LARP4B: variants seen among roughly 807,000 people sequenced by gnomAD.
The protein encoded by LARP4B is La ribonucleoprotein 4B, also known as la-related protein 4B.
LARP4B carries 12 observed loss-of-function variants against 89.8 expected under a neutral mutation model. The observed-to-expected ratio is 0.13, with a 90% CI of 0.09 to 0.22. The LOEUF is 0.22. LARP4B is among the 10% of genes least tolerant of loss of function. The pLI, the probability that LARP4B is intolerant of heterozygous loss-of-function variation, is 1.00. For missense variants in LARP4B, 757 were observed against 947.7 expected (o/e 0.80, Z 2.64); for synonymous variants, 367 against 363.3 (o/e 1.01, Z -0.12).
chr10:878,441 T>C (rs1588956018), intron 3 of LARP4B, among the ~76,000 whole-genome samples: 1 of 151,948 alleles, frequency 6.6e-6, no homozygotes, highest in Non-Finnish European at 1.5e-5. Context: ...GCGTGACTCA[T>C]GTATCTCATC....
chr10:876,416 C>T (rs1168094142), intron 3 of LARP4B, among the ~76,000 whole-genome samples: 1 of 152,120 alleles, frequency 6.6e-6, no homozygotes, highest in Non-Finnish European at 1.5e-5. Context: ...AAATCTATTT[C>T]CAAAAGGGAG....
the LARP4B span, among the ~76,000 whole-genome samples, chr10:982,412 T>G: frequency 6.6e-6 from 1 of 152,170 alleles, no homozygotes. Flanking sequence ...CTTTTTATAT[T>G]TTAAAAAATA....
At chr10:882,034 C>A (rs906332230) in intron 3 of LARP4B, among the ~76,000 whole-genome samples, 4 of 152,036 alleles carry the variant, frequency 2.6e-5, no homozygotes, top group African/African-American at 9.7e-5. Flanking sequence ...TGTGGAGACA[C>A]AGAGCATGTT....
chr10:966,562 A>G, the LARP4B span, among the ~76,000 whole-genome samples: 1 of 152,262 alleles, frequency 6.6e-6, no homozygotes, highest in Non-Finnish European at 1.5e-5. Flanking sequence ...CTACCGAGGA[A>G]GCCGAAGGCT....
In LARP4B at chr10:845,058, A is replaced by G; in HGVS notation, c.431-3T>C. ...GTCTGGTTGAGACTCATTTCCTCCTACATAAAAGTAATAATCAACTTAGGA... is the reference window on the plus strand; with the variant it reads ...GTCTGGTTGAGACTCATTTCCTCCTGCATAAAAGTAATAATCAACTTAGGA... On this transcript the variant is annotated splice_polypyrimidine_tract_variant and splice_region_variant and intron_variant, in intron 5 of 17. Transcript: ENST00000316157. 6.2e-7 allele frequency: 1 copy of G among 1,601,472 alleles called. No homozygotes were observed. The highest frequency in any genetic ancestry group is 8.5e-7 in the Non-Finnish European group (1 of 1,175,470).
the LARP4B span, chr10:988,197 C>T: frequency 1.2e-5 from 5 of 418,868 alleles, no homozygotes; most frequent in African/African-American, 4.2e-5. Context: ...GTCGGAAACC[C>T]CCGCTTTACT....
rs1403465610 is a variant in LARP4B at position 811,045 on chromosome 10, C to G, written c.*1881G>C. Reference sequence around the variant, plus strand: ...TTTGCTCTCTATATACTTTAAAACTCTTTCACATTAGATATGATTAGTATG... The same window carrying G: ...TTTGCTCTCTATATACTTTAAAACTGTTTCACATTAGATATGATTAGTATG... On this transcript the variant is annotated 3_prime_UTR_variant, in exon 18 of 18. Coordinates refer to ENST00000316157, the MANE Select transcript of LARP4B (RefSeq NM_015155.3). 2 of 152,544 alleles carry G rather than the reference C, an allele frequency of 1.3e-5. No individual in the cohort carries two copies. Among genetic ancestry groups the G allele is most frequent in the East Asian group, 3.9e-4 (2 of 5,188 alleles). 9.4% of individuals were successfully genotyped at this position (152,544 alleles called of 1,614,324 possible). A position where few individuals can be genotyped will look rare whatever the true frequency, so the allele number is the denominator to read the frequency against.
intron 3 of LARP4B, among the ~76,000 whole-genome samples, chr10:875,779 C>A (rs766048054): frequency 6.6e-6 from 1 of 152,184 alleles, no homozygotes; most frequent in Non-Finnish European, 1.5e-5. Flanking sequence ...GGCCCTACCT[C>A]CCAATGCTGC....
chr10:988,291 C>G, the LARP4B span: 1 of 606,426 alleles, frequency 1.6e-6, no homozygotes, highest in African/African-American at 1.9e-5. Context: ...CTCACACGCC[C>G]TCCGTGGCTG....
intron 3 of LARP4B, among the ~76,000 whole-genome samples, chr10:869,450 C>T (rs1248884252): frequency 6.6e-6 from 1 of 152,234 alleles, no homozygotes; most frequent in Non-Finnish European, 1.5e-5. Flanking sequence ...AGTTTGCACA[C>T]AACCTCTGGC....
At chr10:820,899 T>A in intron 13 of LARP4B, 54 bp from the exon 14 acceptor site, 1 of 1,519,926 alleles carries the variant, frequency 6.6e-7, no homozygotes, top group Non-Finnish European at 9.1e-7. Context: ...GGAGAATTTA[T>A]TATTGAGCAC....
intron 1 of LARP4B, among the ~76,000 whole-genome samples, chr10:895,421 C>G (rs1836156024): frequency 6.6e-6 from 1 of 150,916 alleles, no homozygotes; most frequent in African/African-American, 2.4e-5. Flanking sequence ...AATAAAAACG[C>G]AGAAAGTAGG....
At chr10:923,807 A>G (rs1055403268) in intron 1 of LARP4B, among the ~76,000 whole-genome samples, 16 of 152,254 alleles carry the variant, frequency 1.1e-4, no homozygotes, top group African/African-American at 3.9e-4. Flanking sequence ...CAATAAAAAC[A>G]AAGCTCTCTG....
chr10:856,477 T>A (rs1438580132), intron 5 of LARP4B, among the ~76,000 whole-genome samples: 1 of 152,210 alleles, frequency 6.6e-6, no homozygotes, highest in Non-Finnish European at 1.5e-5. Flanking sequence ...AAACAACTGC[T>A]GCCAAATTGG....
intron 3 of LARP4B, chr10:872,990 C>A (rs1017192823): frequency 3.1e-6 from 3 of 980,526 alleles, no homozygotes; most frequent in Admixed American, 6.1e-5. Flanking sequence ...ACTGCCAGTA[C>A]GGTGAACCTC....
chr10:873,199 G>A lies in LARP4B; in HGVS notation c.142-8929C>T, dbSNP rs756904721. ...GTGCTGGTCCCAAGCCTCCACAGAC[G>A]CACCTCACAGTAACTTGCTATAATT... On this transcript the variant is annotated intron_variant, in intron 3 of 17. Coordinates refer to ENST00000316157, the MANE Select transcript of LARP4B (RefSeq NM_015155.3). The A allele has an allele frequency of 9.1e-6, 9 of 985,242 alleles. No individual in the cohort carries two copies. In the Admixed American group the frequency reaches 1.8e-4, roughly 20 times the overall value. The allele number at this position is 985,242 out of a possible 1,614,324, so 61.0% of individuals were successfully genotyped here.
chr10:969,816 C>A, the LARP4B span, among the ~76,000 whole-genome samples: 1 of 152,184 alleles, frequency 6.6e-6, no homozygotes, highest in East Asian at 1.9e-4. Context: ...AAGGCTGACT[C>A]CCATTTTATG....
At chr10:931,099 C>T (rs1429244978) in intron 1 of LARP4B, among the ~76,000 whole-genome samples, 1 of 151,200 alleles carries the variant, frequency 6.6e-6, no homozygotes, top group Non-Finnish European at 1.5e-5. Context: ...ACGGGTCCTC[C>T]TAAGCCCCGG....
At chr10:935,505 G>A (rs1475241150), upstream of LARP4B, among the ~76,000 whole-genome samples, 5 of 152,066 alleles carry the variant, frequency 3.3e-5, no homozygotes, top group Non-Finnish European at 7.4e-5. Flanking sequence ...GCACTTGTTT[G>A]TAGCTCTGTT....
Sources: gnomAD v4.1 joint callset for allele counts (sites outside exome capture counted in the v4.1 genomes callset) on GRCh38, gnomAD v4.1.1 for gene constraint, MANE v1.5 for transcripts, NCBI Gene and HGNC (gene_info 2026-07-23, HGNC 2026-07-21) for gene names.